The following PTPRD variants were observed in gnomAD, a reference collection of about 807,000 sequenced individuals.
PTPRD encodes protein tyrosine phosphatase receptor type D.
PTPRD carries 34 observed loss-of-function variants against 214.5 expected under a neutral mutation model. That is an observed-to-expected ratio of 0.16 (90% CI 0.12 to 0.21). PTPRD has a LOEUF of 0.21. PTPRD is among the 10% of genes least tolerant of loss of function. The probability of loss-of-function intolerance (pLI) is 1.00; values close to 1 mark genes in which losing one functional copy is unlikely to be tolerated. For missense variants in PTPRD, 2,545 were observed against 2,398.7 expected (o/e 1.06, Z -1.27); for synonymous variants, 1,128 against 845.7 (o/e 1.33, Z -5.79).
chr9:9,705,939 A>G (rs2097593528), intron 7 of PTPRD, among the ~76,000 whole-genome samples: 2 of 152,288 alleles, frequency 1.3e-5, no homozygotes, highest in East Asian at 3.9e-4. Context: ...TCAAAGTGCA[A>G]TAGACGATGG....
At chr9:8,794,669 T>C (rs765801) in intron 11 of PTPRD, among the ~76,000 whole-genome samples, 53,864 of 151,896 alleles carry the variant, frequency 0.35, 11,680 homozygotes, top group Middle Eastern at 0.51. Context: ...GGCAGCAACA[T>C]AACTTCCCCC....
Position 9,162,056 on chromosome 9 carries a change from A to G in PTPRD, c.-143+21248T>C, listed in dbSNP as rs146383044. 3.9e-4 allele frequency among the ~76,000 whole-genome samples: 60 copies of G among 152,236 alleles called. No individual in the cohort carries two copies. The East Asian group carries it at 0.011, about 28-fold the overall frequency. ...AAAGAAGAAAACAACAAGGCCCAGCATTTAGAAGATCTTCAACTATTTTCT... is the reference window on the plus strand; with the variant it reads ...AAAGAAGAAAACAACAAGGCCCAGCGTTTAGAAGATCTTCAACTATTTTCT... On this transcript the variant is annotated intron_variant, in intron 10 of 45. Transcript: ENST00000381196.
chr9:9,060,823 T>C (rs937304401), intron 10 of PTPRD, among the ~76,000 whole-genome samples: 6 of 152,222 alleles, frequency 3.9e-5, no homozygotes, highest in Admixed American at 2.0e-4. Context: ...TGTGTTAGTA[T>C]GTGGCATAAT....
intron 9 of PTPRD, among the ~76,000 whole-genome samples, chr9:9,224,637 T>C (rs1441672835): frequency 6.6e-6 from 1 of 152,006 alleles, no homozygotes; most frequent in African/African-American, 2.4e-5. Flanking sequence ...TATATCTTTA[T>C]GACTTACAAC....
At chr9:8,615,365 AT>A (rs1203452009) in intron 14 of PTPRD, among the ~76,000 whole-genome samples, 2 of 152,124 alleles carry the variant, frequency 1.3e-5, no homozygotes, top group Admixed American at 6.6e-5. Context: ...CTCATGCAAA[AT>A]CAAGTGTGCT....
intron 11 of PTPRD, among the ~76,000 whole-genome samples, chr9:8,890,286 G>C (rs1434797721): frequency 4.6e-5 from 7 of 152,172 alleles, no homozygotes; most frequent in Non-Finnish European, 8.8e-5. Context: ...ACATTACCTA[G>C]ATACATCAGG....
intron 11 of PTPRD, among the ~76,000 whole-genome samples, chr9:8,819,741 A>G (rs1297954158): frequency 6.6e-6 from 1 of 152,130 alleles, no homozygotes; most frequent in Non-Finnish European, 1.5e-5. Context: ...AAAATGTGGG[A>G]GATTGTTAGT....
At chr9:9,785,474 C>T (rs1341690911) in intron 5 of PTPRD, among the ~76,000 whole-genome samples, 2 of 151,960 alleles carry the variant, frequency 1.3e-5, no homozygotes, top group African/African-American at 4.8e-5. Flanking sequence ...AGTCTTTATG[C>T]CCAAAATTCA....
At chr9:8,940,485 G>C (rs1430421683) in intron 11 of PTPRD, among the ~76,000 whole-genome samples, 1 of 125,002 alleles carries the variant, frequency 8.0e-6, no homozygotes, top group East Asian at 2.7e-4. Context: ...TAGAGACAGG[G>C]TTTCACCATG....
chr9:9,804,462 T>C lies in PTPRD; in HGVS notation c.-367-37611A>G, dbSNP rs111814980. Among the ~76,000 whole-genome samples, 289 of 152,268 alleles carry C rather than the reference T, an allele frequency of 1.9e-3. 2 individuals carry two copies. Among genetic ancestry groups the C allele is most frequent in the African/African-American group, 6.8e-3 (281 of 41,574 alleles). Reference sequence around the variant, plus strand: ...TTATGAATGTGTTCTAAAATTTCTATGAACAAAAAATTTTATATGGCTTTT... The same window carrying C: ...TTATGAATGTGTTCTAAAATTTCTACGAACAAAAAATTTTATATGGCTTTT... On this transcript the variant is annotated intron_variant, in intron 5 of 45. Coordinates refer to ENST00000381196, the MANE Select transcript of PTPRD (RefSeq NM_002839.4).
intron 10 of PTPRD, among the ~76,000 whole-genome samples, chr9:9,130,325 A>T (rs112164288): frequency 2.0e-4 from 31 of 152,318 alleles, no homozygotes; most frequent in African/African-American, 5.8e-4. Context: ...ATAATAAAAC[A>T]TCAAAATTTT....
At chr9:8,763,753 G>A (rs141681810) in intron 11 of PTPRD, among the ~76,000 whole-genome samples, 1,891 of 150,920 alleles carry the variant, frequency 0.013, 22 homozygotes, top group South Asian at 0.044. Context: ...AGAAGAGAAT[G>A]ATCATAAGTT....
intron 3 of PTPRD, among the ~76,000 whole-genome samples, chr9:10,057,986 G>A (rs1235340677): frequency 6.6e-6 from 1 of 152,008 alleles, no homozygotes; most frequent in African/African-American, 2.4e-5. Context: ...GTTTATTTTG[G>A]GTAACACGTA....
chr9:8,374,114 C>CTG (rs6150905), intron 39 of PTPRD, among the ~76,000 whole-genome samples: 2,551 of 142,868 alleles, frequency 0.018, 29 homozygotes, highest in East Asian at 0.029. Flanking sequence ...ACACACGTGT[C>CTG]TGTGTGTGTG....
chr9:8,748,588 T>TCA (rs1157432366), intron 11 of PTPRD, among the ~76,000 whole-genome samples: 1 of 149,938 alleles, frequency 6.7e-6, no homozygotes, highest in African/African-American at 2.4e-5. Context: ...CCCGTAATTG[T>TCA]CACTAGGGTC....
chr9:9,155,505 A>T (rs1592570810), intron 10 of PTPRD, among the ~76,000 whole-genome samples: 1 of 152,134 alleles, frequency 6.6e-6, no homozygotes, highest in East Asian at 1.9e-4. Context: ...TATAAGATTG[A>T]TTGATGTGCC....
chr9:8,939,341 G>A (rs573461549), intron 11 of PTPRD, among the ~76,000 whole-genome samples: 4 of 152,078 alleles, frequency 2.6e-5, no homozygotes, highest in South Asian at 2.1e-4. Flanking sequence ...TCACTCTAAA[G>A]TCTTTTTGGA....
intron 37 of PTPRD, among the ~76,000 whole-genome samples, chr9:8,376,994 TAC>T (rs2083440327): frequency 6.6e-6 from 1 of 152,026 alleles, no homozygotes. Context: ...CTGGGTAAAA[TAC>T]AGAGAGAGGG....
chr9:10,153,845 A>G (rs1167135109), intron 3 of PTPRD, among the ~76,000 whole-genome samples: 1 of 152,092 alleles, frequency 6.6e-6, no homozygotes, highest in Non-Finnish European at 1.5e-5. Context: ...GTAGAATTCC[A>G]TGGTATATAT....
Sources: gnomAD v4.1 joint callset for allele counts (sites outside exome capture counted in the v4.1 genomes callset) on GRCh38, gnomAD v4.1.1 for gene constraint, MANE v1.5 for transcripts, NCBI Gene and HGNC (gene_info 2026-07-23, HGNC 2026-07-21) for gene names.